Variants in MCM9 observed in about 807,000 individuals in gnomAD.
MCM9 encodes minichromosome maintenance 9 homologous recombination repair factor.
MCM9 carries 55 observed loss-of-function variants against 72.8 expected under a neutral mutation model. That is an observed-to-expected ratio of 0.76 (90% confidence interval 0.61 to 0.95). MCM9 has a LOEUF of 0.95. MCM9 is among the 40% of genes least tolerant of loss of function. The pLI, the probability that MCM9 is intolerant of heterozygous loss-of-function variation, is 0.00. For missense variants in MCM9, 1,279 were observed against 1,377.0 expected (o/e 0.93, Z 1.13); for synonymous variants, 480 against 503.4 (o/e 0.95, Z 0.62).
chr6:118,891,062 G>C (rs1778912200), intron 8 of MCM9, among the ~76,000 whole-genome samples: 1 of 152,058 alleles, frequency 6.6e-6, no homozygotes, highest in East Asian at 1.9e-4. Context: ...ATTTGAATTC[G>C]CTCTTTCATC....
At chr6:118,888,486 AAAACAAACAGAC>A (rs1001229295) in intron 8 of MCM9, among the ~76,000 whole-genome samples, 14 of 152,306 alleles carry the variant, frequency 9.2e-5, no homozygotes, top group Admixed American at 7.8e-4. Flanking sequence ...GACTCGTCTC[AAAACAAACAGAC>A]AAACAAACAG....
chr6:118,920,558 G>A (rs968048962), intron 5 of MCM9: 2 of 152,294 alleles, frequency 1.3e-5, no homozygotes, highest in African/African-American at 4.8e-5. Context: ...GGATCATGCA[G>A]GTGGATCCCT....
In MCM9 at chr6:118,931,540, G is replaced by C. The variant is rs116063933; in HGVS notation, c.184C>G (p.Pro62Ala). 1 of 1,614,016 alleles carries C rather than the reference G, an allele frequency of 6.2e-7. No individual in the cohort carries two copies. Among genetic ancestry groups the C allele is most frequent in the East Asian group, 2.2e-5 (1 of 44,862 alleles). ...TCAAAAATTGTAAGCACTTCACTGG[G>C]GAACATGTTGAAATATTCCCCGATT... ...MEIGEYFNMF[P>A]SEVLTIFDSA... The change falls in exon 3 of 14, where the codon CCC becomes GCC. Residue 62 changes from proline to alanine, a missense_variant. Transcript: ENST00000619706.
In MCM9 at chr6:118,923,938, G is replaced by T; in HGVS notation, c.494C>A (p.Thr165Asn). ...VIKADFEQYYTFCRPSSCPSL... is the reference protein window; with the variant it reads ...VIKADFEQYYNFCRPSSCPSL... Reference sequence around the variant, plus strand: ...GGGACACGAGGATGGCCGGCAAAAGGTGTAATACTGCTCAAAGTCAGCCTT... The same window carrying T: ...GGGACACGAGGATGGCCGGCAAAAGTTGTAATACTGCTCAAAGTCAGCCTT... The change falls in exon 4 of 14, where the codon ACC becomes AAC. Residue 165 changes from threonine (T) to asparagine (N), a missense_variant. Physicochemically the swap from Thr to Asn is moderately conservative, Grantham distance 65. Coordinates refer to ENST00000619706, the MANE Select transcript of MCM9 (RefSeq NM_017696.3). 1 of 1,614,230 alleles carries T rather than the reference G, an allele frequency of 6.2e-7. No individual in the cohort carries two copies. Among genetic ancestry groups the T allele is most frequent in the Non-Finnish European group, 8.5e-7 (1 of 1,180,032 alleles).
chr6:118,931,459 C>G lies in MCM9; in HGVS notation c.265G>C (p.Ala89Pro). The G allele has an allele frequency of 6.2e-7, 1 of 1,613,868 alleles. No homozygotes were observed. Among genetic ancestry groups the G allele is most frequent in the Middle Eastern group, 1.7e-4 (1 of 6,058 alleles). The stretch of plus-strand genomic sequence containing the variant: ...TGAAGATTCTGTTTCATGGAAACAG[C>G]CTCAGGCTGAGAAAGGGACTGGAGA... ...TILQSLSQPE[A>P]VSMKQNLHAR... The change falls in exon 3 of 14, where the codon GCT becomes CCT. Residue 89 changes from alanine to proline, a missense_variant. Ala to Pro is a conservative substitution (Grantham distance 27). Transcript: ENST00000619706.
intron 8 of MCM9, among the ~76,000 whole-genome samples, chr6:118,875,761 G>T (rs1266238128): frequency 6.6e-6 from 1 of 152,174 alleles, no homozygotes; most frequent in East Asian, 1.9e-4. Flanking sequence ...TGGAGCAACA[G>T]GAATTGTCAT....
intron 8 of MCM9, chr6:118,894,393 T>C (rs1779198053): frequency 6.5e-7 from 1 of 1,536,288 alleles, no homozygotes. Context: ...CAGTTCCCAT[T>C]GTTTGTGTTT....
At chr6:118,821,904 CTTGA>C (rs1445982740) in intron 13 of MCM9, among the ~76,000 whole-genome samples, 3 of 152,120 alleles carry the variant, frequency 2.0e-5, no homozygotes, top group African/African-American at 7.2e-5. Context: ...CTTTCTCACG[CTTGA>C]TTGATTTGAG....
At chr6:118,843,232 A>G (rs1428831133) in intron 9 of MCM9, among the ~76,000 whole-genome samples, 1 of 152,084 alleles carries the variant, frequency 6.6e-6, no homozygotes, top group Non-Finnish European at 1.5e-5. Context: ...CCTCAACTTA[A>G]AAGAGCAATT....
At position 118,826,182 on chromosome 6, in the gene MCM9, C is replaced by G. The variant is rs1449679569; in HGVS notation, c.1926G>C (p.Gln642His). The change falls in exon 13 of 14, where the codon CAG becomes CAC. Residue 642 changes from glutamine to histidine, a missense_variant. Gln to His is a conservative substitution (Grantham distance 24). Coordinates refer to ENST00000619706, the MANE Select transcript of MCM9 (RefSeq NM_017696.3). The stretch of plus-strand genomic sequence containing the variant: ...TTCTAAGCTCTTCACTCAAGAGGCT[C>G]TGCAGCTCTAGCTTTTCCAGAATAA... ...CELILEKLEL[Q>H]SLLSEELRRL... 6.4e-7 allele frequency: 1 copy of G among 1,550,502 alleles called. No homozygotes were observed. The highest frequency in any genetic ancestry group is 8.7e-7 in the Non-Finnish European group (1 of 1,146,930).
intron 9 of MCM9, among the ~76,000 whole-genome samples, chr6:118,831,666 T>C (rs1774573352): frequency 6.6e-6 from 1 of 152,092 alleles, no homozygotes; most frequent in Non-Finnish European, 1.5e-5. Context: ...CACAAATACA[T>C]ACATACAATC....
At chr6:118,903,541 A>G (rs768559631) in intron 8 of MCM9, among the ~76,000 whole-genome samples, 1 of 152,198 alleles carries the variant, frequency 6.6e-6, no homozygotes, top group Non-Finnish European at 1.5e-5. Flanking sequence ...ATCACAGGGC[A>G]TACGTTCTTA....
At position 118,927,369 on chromosome 6, in the gene MCM9, C is replaced by T. The variant is rs558593931; in HGVS notation, c.305-3242G>A. ...CTGTAATCCCAGCACTTTGGGAGGC[C>T]GAGGCAGGTGGATCACCTGAGGTTG... On this transcript the variant is annotated intron_variant, in intron 3 of 13. Coordinates refer to ENST00000619706, the MANE Select transcript of MCM9 (RefSeq NM_017696.3). Among the ~76,000 whole-genome samples, 10 of 151,916 alleles carry T rather than the reference C, an allele frequency of 6.6e-5. No individual in the cohort carries two copies. In the East Asian group the frequency reaches 1.5e-3, roughly 24 times the overall value.
At position 118,833,533 on chromosome 6, in the gene MCM9, C is replaced by T. The variant is rs139415589; in HGVS notation, c.1326-4283G>A. 1.8e-3 allele frequency among the ~76,000 whole-genome samples: 278 copies of T among 152,090 alleles called. 1 individual carries two copies. The highest frequency in any genetic ancestry group is 0.01 in the South Asian group (50 of 4,814). ...AGCTGAGAGGCGGAGAAAATCCAGG[C>T]GTACATAGATAAAGGAATGGATAAG... On this transcript the variant is annotated intron_variant, in intron 9 of 13. Transcript: ENST00000619706.
rs771931542 is a variant in MCM9, at chr6:118,905,639, T to G, written c.1150+6011A>C. ...TGTGTGTGTGTGTTTCTTTTCTTTT[T>G]AATTTATTCTAGGCTGATGCACCTA... On this transcript the variant is annotated intron_variant, in intron 8 of 13. Transcript: ENST00000619706. The G allele has an allele frequency of 2.5e-6, 4 of 1,580,266 alleles. No homozygotes were observed. The African/African-American group carries it at 5.4e-5, about 22-fold the overall frequency.
intron 9 of MCM9, among the ~76,000 whole-genome samples, chr6:118,830,409 A>G (rs953799343): frequency 1.3e-5 from 2 of 152,250 alleles, no homozygotes; most frequent in African/African-American, 4.8e-5. Flanking sequence ...GATTAAATAA[A>G]TAAGAGAAAG....
chr6:118,894,259 G>A (rs1029007458), intron 8 of MCM9: 3 of 1,456,344 alleles, frequency 2.1e-6, no homozygotes, highest in Non-Finnish European at 2.7e-6. Flanking sequence ...GTGCTCCCGT[G>A]TAAATAAAAA....
In MCM9 at chr6:118,815,063, G is replaced by C; in HGVS notation, c.3193C>G (p.Pro1065Ala). Reference sequence around the variant, plus strand: ...GATTTTGATTTGGATTCCGATGGGGGAGTAAAGCAGAAGTTTGCCAATCTG... The same window carrying C: ...GATTTTGATTTGGATTCCGATGGGGCAGTAAAGCAGAAGTTTGCCAATCTG... ...LARLANFCFTPPSESKSKSPP... is the reference protein window; with the variant it reads ...LARLANFCFTAPSESKSKSPP... Residue 1065 changes from proline (P) to alanine (A), a missense_variant, in exon 14 of 14, where the codon CCC (proline) becomes GCC (alanine). Coordinates refer to ENST00000619706, the MANE Select transcript of MCM9 (RefSeq NM_017696.3). 1 of 1,550,662 alleles carries C rather than the reference G, an allele frequency of 6.4e-7. No individual in the cohort carries two copies. Among genetic ancestry groups the C allele is most frequent in the Non-Finnish European group, 8.7e-7 (1 of 1,146,904 alleles).
intron 8 of MCM9, among the ~76,000 whole-genome samples, chr6:118,904,826 A>G (rs1780060468): frequency 6.6e-6 from 1 of 152,096 alleles, no homozygotes; most frequent in South Asian, 2.1e-4. Flanking sequence ...AGCTATTTCC[A>G]TCTCATTTTC....
Sources: gnomAD v4.1 joint callset for allele counts (sites outside exome capture counted in the v4.1 genomes callset) on GRCh38, gnomAD v4.1.1 for gene constraint, MANE v1.5 for transcripts, NCBI Gene and HGNC (gene_info 2026-07-23, HGNC 2026-07-21) for gene names.